DDX46: variants seen among roughly 807,000 people sequenced by gnomAD.
The protein encoded by DDX46 is DEAD-box helicase 46, also known as probable ATP-dependent RNA helicase DDX46.
Under a neutral mutation model 134.9 loss-of-function variants are expected in DDX46, and 30 were observed. That is an observed-to-expected ratio of 0.22 (90% CI 0.17 to 0.30). DDX46 has a LOEUF of 0.30. Among genes scored for constraint, DDX46 ranks in the 10% least tolerant of loss-of-function variants. The pLI, the probability that DDX46 is intolerant of heterozygous loss-of-function variation, is 1.00. For missense variants in DDX46, 622 were observed against 1,248.7 expected, an observed-to-expected ratio of 0.50 and a Z score of 7.56; for synonymous variants, 415 against 404.1, an observed-to-expected ratio of 1.03 and a Z score of -0.32.
At chr5:134,815,575 C>T (rs141748286) in intron 18 of DDX46, among the ~76,000 whole-genome samples, 2 of 151,792 alleles carry the variant, frequency 1.3e-5, no homozygotes, top group African/African-American at 4.8e-5. Flanking sequence ...GGTGTGGTGG[C>T]GGGCACCTGT....
At chr5:134,808,766 G>A (rs1450842910) in intron 16 of DDX46, among the ~76,000 whole-genome samples, 1 of 152,108 alleles carries the variant, frequency 6.6e-6, no homozygotes, top group East Asian at 1.9e-4. Flanking sequence ...CCTTCTAGAG[G>A]CAGCAGACTA....
At chr5:134,760,865 A>G (rs1397746734) in intron 1 of DDX46, among the ~76,000 whole-genome samples, 2 of 150,242 alleles carry the variant, frequency 1.3e-5, no homozygotes, top group Non-Finnish European at 3.0e-5. Flanking sequence ...GAGTAGCTGG[A>G]ACTACAGGCG....
chr5:134,771,594 T>C (rs1438303269), intron 4 of DDX46, among the ~76,000 whole-genome samples: 3 of 149,794 alleles, frequency 2.0e-5, no homozygotes, highest in African/African-American at 7.3e-5. Flanking sequence ...CCCAGCTACT[T>C]GGGAGGCTAA....
intron 5 of DDX46, among the ~76,000 whole-genome samples, chr5:134,774,632 A>G (rs566404153): frequency 6.6e-6 from 1 of 152,348 alleles, no homozygotes; most frequent in African/African-American, 2.4e-5. Context: ...TATTATACCA[A>G]TGTGAACGTT....
chr5:134,812,514 T>C (rs1755174629), intron 18 of DDX46, among the ~76,000 whole-genome samples: 2 of 152,170 alleles, frequency 1.3e-5, no homozygotes, highest in South Asian at 4.1e-4. Context: ...AACCTGATCT[T>C]ATCATTAGGA....
chr5:134,784,949 A>G (rs1401696214), intron 10 of DDX46, among the ~76,000 whole-genome samples: 1 of 152,234 alleles, frequency 6.6e-6, no homozygotes, highest in African/African-American at 2.4e-5. Context: ...CCAGCATTTC[A>G]TTCAAGATTA....
chr5:134,759,685 A>T (rs549031265), intron 1 of DDX46, among the ~76,000 whole-genome samples: 1 of 152,338 alleles, frequency 6.6e-6, no homozygotes, highest in East Asian at 1.9e-4. Context: ...TATGTCTAGG[A>T]ACAATGAAGG....
intron 18 of DDX46, 139 bp downstream of exon 18, chr5:134,811,984 C>A: frequency 1.1e-6 from 1 of 886,830 alleles, no homozygotes; most frequent in Non-Finnish European, 1.6e-6. Flanking sequence ...TTTGGAAAAT[C>A]TGCCTACTAC....
rs548582677 is a variant in DDX46 at position 134,818,610 on chromosome 5, G to A, written c.2833-250G>A. Among the ~76,000 whole-genome samples the A allele has an allele frequency of 8.6e-4, 130 of 151,768 alleles. 4 individuals are homozygous for A. The highest frequency in any genetic ancestry group is 8.5e-4 in the Admixed American group (13 of 15,274). On this transcript the variant is annotated intron_variant, in intron 20 of 22. Transcript: ENST00000452510. ...CCAGCTACTCGGGAGGCTGAGGGAG[G>A]AGAATCGCTTGAACCTGGGAGGCGG...
At chr5:134,785,627 C>T (rs2150143209) in intron 11 of DDX46, 41 bp downstream of exon 11, 1 of 1,563,882 alleles carries the variant, frequency 6.4e-7, no homozygotes, top group Non-Finnish European at 8.7e-7. Flanking sequence ...ATTCTTTTCT[C>T]AAGTTGGATG....
chr5:134,759,051 C>T (rs1047864502), intron 1 of DDX46, 96 bp downstream of exon 1: 1 of 1,548,440 alleles, frequency 6.5e-7, no homozygotes, highest in Non-Finnish European at 8.7e-7. Context: ...AGGCCTGGCG[C>T]GGCCCCACGT....
intron 15 of DDX46, among the ~76,000 whole-genome samples, chr5:134,801,401 A>G (rs1204505483): frequency 6.6e-6 from 1 of 151,696 alleles, no homozygotes; most frequent in Non-Finnish European, 1.5e-5. Context: ...TTATTTATTT[A>G]TTTTTTTCCT....
chr5:134,827,753 T>G (rs1203590136), intron 22 of DDX46, among the ~76,000 whole-genome samples: 1 of 152,234 alleles, frequency 6.6e-6, no homozygotes, highest in Admixed American at 6.5e-5. Flanking sequence ...TTTATATGAT[T>G]ATACAACAAT....
intron 15 of DDX46, among the ~76,000 whole-genome samples, chr5:134,807,115 G>A (rs1049777878): frequency 1.4e-5 from 2 of 146,984 alleles, no homozygotes; most frequent in African/African-American, 2.5e-5. Context: ...GTGCAGTGGC[G>A]CAATCTCGGC....
At chr5:134,805,282 C>G (rs1754950073) in intron 15 of DDX46, 1 of 154,900 alleles carries the variant, frequency 6.5e-6, no homozygotes, top group South Asian at 2.0e-4. Context: ...GCTATTCTGC[C>G]TCAGCTTCCT....
intron 15 of DDX46, among the ~76,000 whole-genome samples, chr5:134,805,565 G>A (rs926011199): frequency 2.7e-5 from 4 of 147,154 alleles, no homozygotes; most frequent in African/African-American, 1.0e-4. Context: ...TTTTACTCTT[G>A]TTATCCAGGC....
At chr5:134,827,429 C>T (rs909705221) in intron 22 of DDX46, among the ~76,000 whole-genome samples, 38 of 152,134 alleles carry the variant, frequency 2.5e-4, no homozygotes, top group African/African-American at 8.2e-4. Context: ...CGCACACCAC[C>T]GCATCTGGCT....
intron 21 of DDX46, 45 bp from the exon 22 acceptor site, chr5:134,826,895 ACACAGTG>A: frequency 6.3e-7 from 1 of 1,577,114 alleles, no homozygotes; most frequent in Admixed American, 1.8e-5. Flanking sequence ...ATATGGGTAA[ACACAGTG>A]TAAGTTTAGT....
intron 1 of DDX46, among the ~76,000 whole-genome samples, chr5:134,763,497 C>T (rs777327411): frequency 2.0e-5 from 3 of 152,250 alleles, no homozygotes; most frequent in East Asian, 1.9e-4. Context: ...GTGCCTTTTG[C>T]GTGGAAAATT....
Sources: allele counts gnomAD v4.1 joint callset (sites outside exome capture counted in the v4.1 genomes callset), GRCh38; gene constraint gnomAD v4.1.1; transcripts MANE v1.5; gene names NCBI Gene and HGNC (gene_info 2026-07-23, HGNC 2026-07-21).